SORCS2: variants seen among roughly 807,000 people sequenced by gnomAD.
The protein encoded by SORCS2 is sortilin related VPS10 domain containing receptor 2.
Under a neutral mutation model 141.6 loss-of-function variants are expected in SORCS2, and 100 were observed. The observed-to-expected ratio is 0.71, with a 90% CI of 0.60 to 0.83. The LOEUF is 0.83. SORCS2 is among the 40% of genes least tolerant of loss of function. The pLI is 0.00. For synonymous variants in SORCS2, 789 were observed against 676.9 expected (o/e 1.17, Z -2.57); for missense variants, 1,646 against 1,560.2 (o/e 1.05, Z -0.93).
chr4:7,718,056 T>C lies in SORCS2; in HGVS notation c.2297T>C (p.Met766Thr), dbSNP rs1327316651. ...AACGTGTGTGAGGGTGGGGTGGACA[T>C]GCAGCAGAGTCAGGTGCAGCTGCAG... is the stretch of plus-strand genomic sequence containing the variant. ...VSNVCEGGVDMQQSQVQLQCP... is the reference protein window; with the variant it reads ...VSNVCEGGVDTQQSQVQLQCP... The change falls in exon 18 of 27, where the codon ATG becomes ACG. Residue 766 changes from methionine to threonine, a missense_variant. Coordinates refer to ENST00000507866, the MANE Select transcript of SORCS2 (RefSeq NM_020777.3). 1 of 1,610,190 alleles carries C rather than the reference T, an allele frequency of 6.2e-7. No homozygotes were observed. Among genetic ancestry groups the C allele is most frequent in the East Asian group, 2.2e-5 (1 of 44,622 alleles).
chr4:7,331,722 C>T (rs1195837432), intron 1 of SORCS2, among the ~76,000 whole-genome samples: 1 of 152,196 alleles, frequency 6.6e-6, no homozygotes, highest in Non-Finnish European at 1.5e-5. Context: ...CTGTTTCTAA[C>T]GAGCCCCCAG....
chr4:7,401,296 T>G (rs1248306920), intron 2 of SORCS2, among the ~76,000 whole-genome samples: 1 of 152,008 alleles, frequency 6.6e-6, no homozygotes, highest in African/African-American at 2.4e-5. Flanking sequence ...GATGGATTGA[T>G]AAATGGATGG....
intron 10 of SORCS2, among the ~76,000 whole-genome samples, chr4:7,685,667 C>T (rs188630386): frequency 6.9e-6 from 1 of 144,504 alleles, no homozygotes; most frequent in African/African-American, 2.7e-5. Context: ...CGAGATTCCA[C>T]CTCAAAAATT....
intron 26 of SORCS2, 135 bp from the exon 27 acceptor site, chr4:7,740,065 C>A: frequency 1.4e-6 from 1 of 700,054 alleles, no homozygotes; most frequent in East Asian, 2.7e-5. Flanking sequence ...TGCACCTGCA[C>A]GGGCTGAAGG....
At chr4:7,715,072 G>A in intron 16 of SORCS2, 111 bp from the exon 17 acceptor site, 2 of 1,449,586 alleles carry the variant, frequency 1.4e-6, no homozygotes, top group South Asian at 2.5e-5. Flanking sequence ...GTGCATAGCA[G>A]GCCCTTGACA....
chr4:7,335,928 G>A (rs1348943547), intron 1 of SORCS2, among the ~76,000 whole-genome samples: 1 of 152,186 alleles, frequency 6.6e-6, no homozygotes, highest in African/African-American at 2.4e-5. Flanking sequence ...CCAGGGTTAG[G>A]GCACAGACCC....
At chr4:7,258,764 C>T (rs1021067410) in intron 1 of SORCS2, among the ~76,000 whole-genome samples, 16 of 152,302 alleles carry the variant, frequency 1.1e-4, no homozygotes, top group African/African-American at 3.4e-4. Flanking sequence ...CTCCCGCCAA[C>T]GGTGGGAAAC....
At chr4:7,315,305 G>A (rs1263723118) in intron 1 of SORCS2, among the ~76,000 whole-genome samples, 1 of 152,222 alleles carries the variant, frequency 6.6e-6, no homozygotes, top group Non-Finnish European at 1.5e-5. Flanking sequence ...TGGTCACAAG[G>A]TTCCTGAGAT....
At chr4:7,198,024 C>T (rs963777068) in intron 1 of SORCS2, among the ~76,000 whole-genome samples, 1 of 152,162 alleles carries the variant, frequency 6.6e-6, no homozygotes, top group African/African-American at 2.4e-5. Context: ...AGAATGATAT[C>T]AAGAAACAGC....
intron 1 of SORCS2, among the ~76,000 whole-genome samples, chr4:7,387,776 A>G (rs1375043455): frequency 4.0e-5 from 6 of 151,146 alleles, no homozygotes; most frequent in African/African-American, 1.5e-4. Context: ...ACACATGCAC[A>G]CACACATAGG....
intron 3 of SORCS2, among the ~76,000 whole-genome samples, chr4:7,621,441 ATGTGTGTGTCTG>A (rs1719173276): frequency 1.4e-5 from 2 of 140,924 alleles, no homozygotes; most frequent in Non-Finnish European, 3.1e-5. Context: ...GTGTGTGTCT[ATGTGTGTGTCTG>A]TGTGAGTGTT....
rs558029864 is a variant in SORCS2, at chr4:7,550,651, C to T, written c.648+19022C>T. On this transcript the variant is annotated intron_variant, in intron 3 of 26. Coordinates refer to ENST00000507866, the MANE Select transcript of SORCS2 (RefSeq NM_020777.3). ...TACAAAGAACCCAATGTCTGCCCAC[C>T]CTGTGTCTCTAGTAGATCATGGACT... 4.6e-5 allele frequency among the ~76,000 whole-genome samples: 7 copies of T among 152,296 alleles called. No homozygotes were observed. In the South Asian group the frequency reaches 1.5e-3, roughly 32 times the overall value.
chr4:7,320,292 C>G (rs1718818237), intron 1 of SORCS2, among the ~76,000 whole-genome samples: 1 of 152,208 alleles, frequency 6.6e-6, no homozygotes, highest in South Asian at 2.1e-4. Flanking sequence ...CAGAGAAAGG[C>G]TTGCTTTTCT....
At chr4:7,693,040 A>G (rs1724358705) in intron 11 of SORCS2, among the ~76,000 whole-genome samples, 1 of 152,220 alleles carries the variant, frequency 6.6e-6, no homozygotes, top group African/African-American at 2.4e-5. Flanking sequence ...TGTTGATCCC[A>G]GAAATCAACC....
At chr4:7,684,560 C>T (rs1317647343) in intron 10 of SORCS2, among the ~76,000 whole-genome samples, 1 of 152,178 alleles carries the variant, frequency 6.6e-6, no homozygotes, top group African/African-American at 2.4e-5. Flanking sequence ...ACCCATAAGC[C>T]CTTCTTAGAG....
rs903388879 is a variant in SORCS2, at chr4:7,369,017, T to C, written c.481-27271T>C. Among the ~76,000 whole-genome samples, 3 of 152,260 alleles carry C rather than the reference T, an allele frequency of 2.0e-5. No homozygotes were observed. The East Asian group carries it at 5.8e-4, about 29-fold the overall frequency. ...TGTGGAATTGTGAGTCCATTAAACCTCTTTCTTAGGCTGGTGTGGTGGCTC... is the reference window on the plus strand; with the variant it reads ...TGTGGAATTGTGAGTCCATTAAACCCCTTTCTTAGGCTGGTGTGGTGGCTC... On this transcript the variant is annotated intron_variant, in intron 1 of 26. Coordinates refer to ENST00000507866, the MANE Select transcript of SORCS2 (RefSeq NM_020777.3).
At position 7,452,300 on chromosome 4, in the gene SORCS2, C is replaced by G. The variant is rs542424832; in HGVS notation, c.548+55945C>G. ...GGATTACAGGCATATGCCACCATGC[C>G]TGGGTAATTTTTGTATTTTTTAGTA... is the stretch of plus-strand genomic sequence containing the variant. On this transcript the variant is annotated intron_variant, in intron 2 of 26. Transcript: ENST00000507866. Among the ~76,000 whole-genome samples the G allele has an allele frequency of 3.3e-5, 5 of 152,258 alleles. No homozygotes were observed. In the South Asian group the frequency reaches 1.0e-3, roughly 32 times the overall value.
chr4:7,524,272 T>C (rs1733522691), intron 2 of SORCS2, among the ~76,000 whole-genome samples: 1 of 152,138 alleles, frequency 6.6e-6, no homozygotes, highest in Non-Finnish European at 1.5e-5. Flanking sequence ...CAATGCAGCC[T>C]CAATCTCAGG....
At position 7,570,073 on chromosome 4, in the gene SORCS2, C is replaced by T. The variant is rs549998872; in HGVS notation, c.648+38444C>T. ...AGCTGAGAGCAGGGCCCCCATAAAT[C>T]GGATCCTGGCTCTAAATGCTAATTG... On this transcript the variant is annotated intron_variant, in intron 3 of 26. Transcript: ENST00000507866. Among the ~76,000 whole-genome samples the T allele has an allele frequency of 1.2e-4, 18 of 152,268 alleles. No individual in the cohort carries two copies. The East Asian group carries it at 1.5e-3, about 13-fold the overall frequency.
Sources: allele counts gnomAD v4.1 joint callset (sites outside exome capture counted in the v4.1 genomes callset), GRCh38; gene constraint gnomAD v4.1.1; transcripts MANE v1.5; gene names NCBI Gene and HGNC (gene_info 2026-07-23, HGNC 2026-07-21).